Variants in LHPP observed in about 807,000 individuals in gnomAD.
LHPP encodes the protein phospholysine phosphohistidine inorganic pyrophosphate phosphatase, also known as hLHPP.
Under a neutral mutation model 30.3 loss-of-function variants are expected in LHPP, and 24 were observed. That is an observed-to-expected ratio of 0.79 (90% CI 0.57 to 1.11). The LOEUF (loss-of-function observed/expected upper bound fraction) is 1.11, where lower values mean the gene tolerates loss of function less well. Ranked by LOEUF, LHPP falls within the 50% of genes most tolerant of loss-of-function variation. The pLI is 0.00. For synonymous variants in LHPP, 150 were observed against 157.1 expected (o/e 0.95, Z 0.34); for missense variants, 356 against 367.2 (o/e 0.97, Z 0.25).
intron 5 of LHPP, among the ~76,000 whole-genome samples, chr10:124,514,958 C>T (rs61870207): frequency 0.22 from 33,760 of 151,762 alleles, 3,865 homozygotes; most frequent in Middle Eastern, 0.36. Context: ...TGCGCCACCA[C>T]ATCTGGCTAA....
At chr10:124,610,051 C>T (rs147136100) in intron 6 of LHPP, among the ~76,000 whole-genome samples, 31 of 152,334 alleles carry the variant, frequency 2.0e-4, no homozygotes, top group Admixed American at 5.9e-4. Context: ...TGGATATCAA[C>T]ACGCAGTTTT....
chr10:124,466,414 G>A (rs1178893022), intron 1 of LHPP, among the ~76,000 whole-genome samples: 1 of 152,214 alleles, frequency 6.6e-6, no homozygotes, highest in East Asian at 1.9e-4. Flanking sequence ...GTTGGAGACA[G>A]GGTAGGAGAA....
intron 6 of LHPP, among the ~76,000 whole-genome samples, chr10:124,567,519 G>GT (rs972074774): frequency 6.6e-6 from 1 of 152,226 alleles, no homozygotes; most frequent in African/African-American, 2.4e-5. Context: ...TTAATAGATA[G>GT]TAACTGGTGT....
In LHPP at chr10:124,545,093, G is replaced by A. The variant is rs1014268201; in HGVS notation, c.716+27822G>A. 1.1e-4 allele frequency among the ~76,000 whole-genome samples: 17 copies of A among 152,158 alleles called. 1 individual carries two copies. Among genetic ancestry groups the A allele is most frequent in the Admixed American group, 3.9e-4 (6 of 15,296 alleles). Reference sequence around the variant, plus strand: ...TGCCTGCCACCTCCCTGGTGCCCCCGCCCCCAGAGCAGAGCTGTCCTTACA... The same window carrying A: ...TGCCTGCCACCTCCCTGGTGCCCCCACCCCCAGAGCAGAGCTGTCCTTACA... On this transcript the variant is annotated intron_variant, in intron 6 of 6. Transcript: ENST00000368842.
At chr10:124,532,435 A>G (rs1370585696) in intron 6 of LHPP, among the ~76,000 whole-genome samples, 1 of 152,234 alleles carries the variant, frequency 6.6e-6, no homozygotes, top group African/African-American at 2.4e-5. Flanking sequence ...CCGAGCTCAC[A>G]GCAGTGCCTC....
At position 124,590,818 on chromosome 10, in the gene LHPP, C is replaced by T. The variant is rs1185627889; in HGVS notation, c.717-22446C>T. Among the ~76,000 whole-genome samples the T allele has an allele frequency of 6.6e-6, 1 of 152,224 alleles. No individual in the cohort carries two copies. The highest frequency in any genetic ancestry group is 1.9e-4 in the East Asian group (1 of 5,202). On this transcript the variant is annotated intron_variant, in intron 6 of 6. Transcript: ENST00000368842. This position sits in a 1 kb window ranked among gnomAD's most constrained non-coding sequence, Gnocchi z 4.3. ...AAACAAAGACTAGATAATTAGAGTGCACACTTGGAGGGACAGGATGGCTTC... is the reference window on the plus strand; with the variant it reads ...AAACAAAGACTAGATAATTAGAGTGTACACTTGGAGGGACAGGATGGCTTC...
chr10:124,467,684 T>C (rs532173420), intron 1 of LHPP, among the ~76,000 whole-genome samples: 2 of 146,476 alleles, frequency 1.4e-5, no homozygotes, highest in Admixed American at 1.4e-4. Context: ...CACATGCAGG[T>C]TTTTCTTTTG....
At chr10:124,540,759 C>T (rs1955164190) in intron 6 of LHPP, among the ~76,000 whole-genome samples, 1 of 152,012 alleles carries the variant, frequency 6.6e-6, no homozygotes. Flanking sequence ...CCCCGGGACC[C>T]CAAAGGCTGC....
At chr10:124,470,155 G>T (rs764327196) in intron 1 of LHPP, among the ~76,000 whole-genome samples, 2 of 152,182 alleles carry the variant, frequency 1.3e-5, no homozygotes, top group African/African-American at 2.4e-5. Context: ...CCATTCAGAG[G>T]CAGGGCCCAG....
rs546017835 is a variant in LHPP, at chr10:124,480,158, A to G, written c.126-3981A>G. On this transcript the variant is annotated intron_variant, in intron 1 of 6. Transcript: ENST00000368842. ...CAGTAATTTAAAATAAGGAAGAGGCAACCTGGGGCTGGTCCCTGGTGGTCA... is the reference window on the plus strand; with the variant it reads ...CAGTAATTTAAAATAAGGAAGAGGCGACCTGGGGCTGGTCCCTGGTGGTCA... 1.9e-3 allele frequency among the ~76,000 whole-genome samples: 293 copies of G among 152,296 alleles called. 1 individual carries two copies. Among genetic ancestry groups the G allele is most frequent in the African/African-American group, 7.0e-3 (290 of 41,562 alleles).
chr10:124,592,443 C>G lies in LHPP; in HGVS notation c.717-20821C>G, dbSNP rs1948892218. On this transcript the variant is annotated intron_variant, in intron 6 of 6. Coordinates refer to ENST00000368842, the MANE Select transcript of LHPP (RefSeq NM_022126.4). The surrounding 1 kb of genome is among the most constrained non-coding windows in gnomAD (Gnocchi z 6.2). ...CTTTCATGATGAGACCCTGAGGTCA[C>G]TGGCGGGGAAAATGAGTCACTGGGG... Among the ~76,000 whole-genome samples the G allele has an allele frequency of 6.6e-6, 1 of 152,244 alleles. No individual in the cohort carries two copies.
intron 6 of LHPP, among the ~76,000 whole-genome samples, chr10:124,558,129 C>T: frequency 6.6e-6 from 1 of 152,064 alleles, no homozygotes; most frequent in East Asian, 1.9e-4. Context: ...TGCAGCTGGG[C>T]CAGCAGATCT....
intron 3 of LHPP, chr10:124,490,422 C>T: frequency 3.0e-6 from 1 of 337,576 alleles, no homozygotes; most frequent in South Asian, 2.9e-5. Flanking sequence ...ACCTCAGGAC[C>T]TGAGAGACTG....
intron 6 of LHPP, among the ~76,000 whole-genome samples, chr10:124,598,452 G>A (rs191406112): frequency 6.9e-4 from 105 of 152,330 alleles, no homozygotes; most frequent in African/African-American, 2.3e-3. Flanking sequence ...CTGGCTGGGC[G>A]TGGCCTTGAG....
intron 1 of LHPP, among the ~76,000 whole-genome samples, chr10:124,483,532 G>A (rs1953207922): frequency 6.6e-6 from 1 of 152,080 alleles, no homozygotes; most frequent in South Asian, 2.1e-4. Flanking sequence ...CAGCACTTTG[G>A]GACACCTGAG....
intron 6 of LHPP, among the ~76,000 whole-genome samples, chr10:124,601,174 A>G (rs2104227): frequency 0.45 from 67,870 of 151,994 alleles, 15,512 homozygotes; most frequent in East Asian, 0.68. Flanking sequence ...CACTAGAGTG[A>G]CGTGTGCCTG....
In LHPP at chr10:124,484,194, C is replaced by T. The variant is rs370925915; in HGVS notation, c.181C>T (p.Arg61Trp). ...RFCTNESQKS[R>W]AELVGQLQRL... ...CTGCACCAACGAGTCGCAGAAGTCC[C>T]GGGCAGAGCTGGTGGGGCAGCTTCA... Residue 61 changes from arginine (R) to tryptophan (W), a missense_variant, in exon 2 of 7, where the codon CGG becomes TGG. Transcript: ENST00000368842. 1.2e-5 allele frequency: 20 copies of T among 1,613,966 alleles called. No homozygotes were observed. The highest frequency in any genetic ancestry group is 2.7e-5 in the African/African-American group (2 of 74,922).
At chr10:124,600,247 T>G (rs1316147584) in intron 6 of LHPP, among the ~76,000 whole-genome samples, 2 of 152,214 alleles carry the variant, frequency 1.3e-5, no homozygotes, top group Non-Finnish European at 2.9e-5. Flanking sequence ...GGTTGCTGGT[T>G]TGGCGCAGCC....
chr10:124,550,539 G>A (rs1440238990), intron 6 of LHPP, among the ~76,000 whole-genome samples: 2 of 152,248 alleles, frequency 1.3e-5, no homozygotes, highest in Non-Finnish European at 2.9e-5. Flanking sequence ...GGGTGGTGTG[G>A]CTGCAGTGGC....
Sources: gnomAD v4.1 joint callset for allele counts (sites outside exome capture counted in the v4.1 genomes callset) on GRCh38, gnomAD v4.1.1 for gene constraint, Gnocchi (gnomAD v3.1) non-coding constraint, MANE v1.5 for transcripts, NCBI Gene and HGNC (gene_info 2026-07-23, HGNC 2026-07-21) for gene names.